Variants in CERS3 observed in about 807,000 individuals in gnomAD.
CERS3 encodes the protein ceramide synthase 3.
A neutral mutation model predicts 50.3 loss-of-function variants in CERS3; 33 were observed. The observed-to-expected ratio is 0.66, with a 90% CI of 0.50 to 0.88. The LOEUF (loss-of-function observed/expected upper bound fraction) is 0.88. CERS3 is among the 40% of genes least tolerant of loss of function. The probability of loss-of-function intolerance (pLI) is 0.00; values close to 1 mark genes in which losing one functional copy is unlikely to be tolerated. For synonymous variants in CERS3, 176 were observed against 155.2 expected (o/e 1.13, Z -0.99); for missense variants, 470 against 460.3 (o/e 1.02, Z -0.19).
intron 10 of CERS3, among the ~76,000 whole-genome samples, chr15:100,461,005 G>C (rs1476173608): frequency 6.6e-6 from 1 of 152,202 alleles, no homozygotes; most frequent in African/African-American, 2.4e-5. Flanking sequence ...AGGAGTGGCA[G>C]TGAAGGGTGG....
chr15:100,431,917 G>A (rs989254616), intron 11 of CERS3, among the ~76,000 whole-genome samples: 2 of 152,102 alleles, frequency 1.3e-5, no homozygotes, highest in African/African-American at 2.4e-5. Flanking sequence ...TGGAATCCTG[G>A]GAGATCTTCT....
chr15:100,426,437 A>C (rs545225865), intron 11 of CERS3, among the ~76,000 whole-genome samples: 1 of 152,326 alleles, frequency 6.6e-6, no homozygotes, highest in South Asian at 2.1e-4. Context: ...CTATATCCAG[A>C]CATAATAAAT....
intron 11 of CERS3, among the ~76,000 whole-genome samples, chr15:100,412,717 C>T (rs1346272652): frequency 1.3e-5 from 2 of 152,114 alleles, no homozygotes; most frequent in African/African-American, 2.4e-5. Context: ...TTATACTCTC[C>T]CAACTAACCA....
chr15:100,526,936 T>C (rs923825354), intron 1 of CERS3, among the ~76,000 whole-genome samples: 1 of 152,154 alleles, frequency 6.6e-6, no homozygotes, highest in South Asian at 2.1e-4. Context: ...TGTCTTATAA[T>C]AAACAACCTC....
intron 11 of CERS3, among the ~76,000 whole-genome samples, chr15:100,448,489 G>T (rs1040810856): frequency 6.6e-6 from 1 of 152,152 alleles, no homozygotes; most frequent in Non-Finnish European, 1.5e-5. Context: ...ACTCTCACAG[G>T]CCATAAGACT....
intron 11 of CERS3, among the ~76,000 whole-genome samples, chr15:100,454,448 G>A (rs1000431409): frequency 1.3e-5 from 2 of 149,980 alleles, no homozygotes; most frequent in African/African-American, 2.4e-5. Flanking sequence ...TACATACATT[G>A]GGGGAAAGGA....
At chr15:100,483,648 G>A (rs1267120786) in intron 5 of CERS3, among the ~76,000 whole-genome samples, 1 of 151,824 alleles carries the variant, frequency 6.6e-6, no homozygotes, top group Non-Finnish European at 1.5e-5. Context: ...AGATCTGAAT[G>A]CAACAGCCAT....
At chr15:100,443,206 C>T (rs1172971567) in intron 11 of CERS3, among the ~76,000 whole-genome samples, 2 of 150,968 alleles carry the variant, frequency 1.3e-5, no homozygotes, top group African/African-American at 2.4e-5. Context: ...CCTCTACTCC[C>T]TCCTTGGTGA....
At chr15:100,511,163 C>T (rs943325335) in intron 2 of CERS3, among the ~76,000 whole-genome samples, 9 of 152,134 alleles carry the variant, frequency 5.9e-5, no homozygotes, top group Admixed American at 5.2e-4. Flanking sequence ...GTGGAAGGTG[C>T]CTGTAATCCC....
intron 2 of CERS3, among the ~76,000 whole-genome samples, chr15:100,507,841 C>T (rs879277264): frequency 4.6e-5 from 7 of 152,226 alleles, no homozygotes; most frequent in Non-Finnish European, 8.8e-5. Context: ...CAGCGGCGGC[C>T]GTGACTGCTG....
intron 11 of CERS3, among the ~76,000 whole-genome samples, chr15:100,425,212 C>A (rs553497828): frequency 1.2e-4 from 18 of 152,364 alleles, no homozygotes; most frequent in Admixed American, 3.3e-4. Context: ...AGAGTTCCTA[C>A]CAGGGCACTA....
intron 4 of CERS3, among the ~76,000 whole-genome samples, chr15:100,485,888 TAAAAG>T (rs200466944): frequency 0.02 from 3,095 of 152,128 alleles, 60 homozygotes; most frequent in Non-Finnish European, 0.032. Flanking sequence ...CATAAATAAA[TAAAAG>T]AAACATTTCC....
At chr15:100,484,259 C>A (rs140392358) in intron 5 of CERS3, among the ~76,000 whole-genome samples, 161 of 152,274 alleles carry the variant, frequency 1.1e-3, no homozygotes, top group African/African-American at 3.8e-3. Flanking sequence ...GGGTTTCAGG[C>A]TGAGTACATA....
intron 11 of CERS3, among the ~76,000 whole-genome samples, chr15:100,448,052 G>C (rs1042040209): frequency 7.9e-5 from 12 of 152,212 alleles, no homozygotes; most frequent in Non-Finnish European, 1.8e-4. Context: ...TGGGGAACAA[G>C]CTCGGGGGAG....
At chr15:100,541,121 T>C (rs1240590357) in intron 1 of CERS3, among the ~76,000 whole-genome samples, 1 of 152,134 alleles carries the variant, frequency 6.6e-6, no homozygotes, top group Non-Finnish European at 1.5e-5. Flanking sequence ...TGGGGGTCTA[T>C]CAACAGATCA....
chr15:100,407,965 A>G (rs184351271), intron 11 of CERS3, among the ~76,000 whole-genome samples: 1,761 of 152,162 alleles, frequency 0.012, 33 homozygotes, highest in African/African-American at 0.041. Context: ...TCTGCCTCCA[A>G]GGTTCAAGTG....
At chr15:100,543,521 C>T (rs1311509452) in intron 1 of CERS3, among the ~76,000 whole-genome samples, 1 of 142,014 alleles carries the variant, frequency 7.0e-6, no homozygotes, top group Admixed American at 7.5e-5. Flanking sequence ...CCTCTCCCTC[C>T]TTCCTTTCTT....
chr15:100,514,186 G>T (rs941364875), intron 2 of CERS3, among the ~76,000 whole-genome samples: 2 of 152,102 alleles, frequency 1.3e-5, no homozygotes, highest in African/African-American at 2.4e-5. Context: ...TGAGTAAGTG[G>T]GTAAATGCTT....
chr15:100,408,111 A>T (rs1402662307), intron 11 of CERS3, among the ~76,000 whole-genome samples: 1 of 152,124 alleles, frequency 6.6e-6, no homozygotes. Flanking sequence ...ACCTCAAGTG[A>T]TCCACCCACC....
Sources: gnomAD v4.1 joint callset for allele counts (sites outside exome capture counted in the v4.1 genomes callset) on GRCh38, gnomAD v4.1.1 for gene constraint, MANE v1.5 for transcripts, NCBI Gene and HGNC (gene_info 2026-07-23, HGNC 2026-07-21) for gene names.